NHSL2: variants seen among roughly 807,000 people sequenced by gnomAD.
NHSL2 encodes the protein NHS-like protein 2.
A neutral mutation model predicts 53.4 loss-of-function variants in NHSL2; 27 were observed. That is an observed-to-expected ratio of 0.51 (90% CI 0.37 to 0.70). The LOEUF (loss-of-function observed/expected upper bound fraction) is 0.70, where lower values mean the gene tolerates loss of function less well. Ranked by LOEUF, NHSL2 falls within the 30% of genes least tolerant of loss-of-function variation. The pLI is 0.00. For missense variants in NHSL2, 892 were observed against 980.1 expected (o/e 0.91, Z 1.20); for synonymous variants, 408 against 404.1 (o/e 1.01, Z -0.12).
Position 72,144,411 on chromosome X carries a change from G to T in NHSL2, c.*837G>T. The T allele has an allele frequency of 1.7e-6, 1 of 600,185 alleles. No homozygotes were observed. The highest frequency in any genetic ancestry group is 2.5e-6 in the Non-Finnish European group (1 of 393,773). The allele number at this position is 600,185 out of a possible 1,213,427, so 49.5% of individuals were successfully genotyped here. On this transcript the variant is annotated 3_prime_UTR_variant, in exon 8 of 8. Transcript: ENST00000633930. ...GATCCTCCATGTGTCTGTCAACAGC[G>T]ATAGGCAGGATCTGCGCCCAGCTCA...
intron 1 of NHSL2, chrX:72,128,070 G>A (rs890377068): frequency 4.0e-4 from 45 of 111,899 alleles, no homozygotes; most frequent in African/African-American, 1.4e-3. Context: ...TGGAGAGAGG[G>A]GATCTTTTTA....
intron 1 of NHSL2, among the ~76,000 whole-genome samples, chrX:71,987,833 C>T (rs1312628080): frequency 8.9e-6 from 1 of 112,406 alleles, no homozygotes; most frequent in African/African-American, 3.2e-5. Context: ...AAAGCCTTAG[C>T]TACTGAGCTA....
chrX:72,136,583 G>A (rs1277351996), intron 4 of NHSL2, among the ~76,000 whole-genome samples: 1 of 111,967 alleles, frequency 8.9e-6, no homozygotes, highest in Non-Finnish European at 1.9e-5. Context: ...TTCCTGGATG[G>A]TGGAGGGCAG....
rs1042376753 is a variant in NHSL2 at position 71,929,025 on chromosome X, G to A, written c.280+17658G>A. ...TTAACTCCCCATACTGTCATAGATG[G>A]AGTCTTAAACATGAGGTTTGGCAGA... On this transcript the variant is annotated intron_variant, in intron 1 of 7. Coordinates refer to ENST00000633930, the MANE Select transcript of NHSL2 (RefSeq NM_001013627.3). 2.2e-4 allele frequency among the ~76,000 whole-genome samples: 25 copies of A among 111,515 alleles called. 1 individual carries two copies. Among genetic ancestry groups the A allele is most frequent in the Admixed American group, 1.6e-3 (17 of 10,525 alleles).
chrX:71,926,492 T>C (rs1019457814), intron 1 of NHSL2, among the ~76,000 whole-genome samples: 1 of 111,026 alleles, frequency 9.0e-6, no homozygotes, highest in Non-Finnish European at 1.9e-5. Context: ...GAACAAAACA[T>C]TGATGTGTGT....
At position 72,100,937 on chromosome X, in the gene NHSL2, G is replaced by A. The variant is rs752028200; in HGVS notation, c.281-31142G>A. On this transcript the variant is annotated intron_variant, in intron 1 of 7. Coordinates refer to ENST00000633930, the MANE Select transcript of NHSL2 (RefSeq NM_001013627.3). ...ATATAGAAAGAGCCTGAGTGCTCACGAGGTGATTATCTGAGGTCTGTCACA... is the reference window on the plus strand; with the variant it reads ...ATATAGAAAGAGCCTGAGTGCTCACAAGGTGATTATCTGAGGTCTGTCACA... 2.7e-5 allele frequency among the ~76,000 whole-genome samples: 3 copies of A among 111,565 alleles called. No individual in the cohort carries two copies. The East Asian group carries it at 8.4e-4, about 31-fold the overall frequency.
At chrX:71,991,132 G>T (rs771710405) in intron 1 of NHSL2, among the ~76,000 whole-genome samples, 1 of 112,898 alleles carries the variant, frequency 8.9e-6, no homozygotes, top group Non-Finnish European at 1.9e-5. Flanking sequence ...TCTTCAACAG[G>T]TGTCTCAAAC....
intron 1 of NHSL2, among the ~76,000 whole-genome samples, chrX:71,931,679 T>G (rs769343824): frequency 1.2e-4 from 14 of 112,486 alleles, no homozygotes; most frequent in African/African-American, 4.5e-4. Context: ...TGACTGTAGG[T>G]GAATGGGTTT....
chrX:72,075,901 AGTGT>A (rs10637913), intron 1 of NHSL2, among the ~76,000 whole-genome samples: 6,786 of 93,310 alleles, frequency 0.073, 211 homozygotes, highest in South Asian at 0.13. Context: ...GGGGGAGCAC[AGTGT>A]GTGTGTGTGT....
Position 72,147,383 on chromosome X carries a change from TC to T in NHSL2, c.*3810del, listed in dbSNP as rs1345020245. 1 of 112,204 alleles carries T rather than the reference TC, an allele frequency of 8.9e-6. No homozygotes were observed. The highest frequency in any genetic ancestry group is 3.2e-5 in the African/African-American group (1 of 30,873). 9.2% of individuals were successfully genotyped at this position (112,204 alleles called of 1,213,427 possible). On this transcript the variant is annotated 3_prime_UTR_variant, in exon 8 of 8. Coordinates refer to ENST00000633930, the MANE Select transcript of NHSL2 (RefSeq NM_001013627.3). ...CTCGTCCCAGCCCTGTGATTTGCAC[TC>T]TTTAAAGTAATATCAGTTTATCTTC...
At chrX:71,924,154 A>G (rs1259087120) in intron 1 of NHSL2, among the ~76,000 whole-genome samples, 1 of 111,620 alleles carries the variant, frequency 9.0e-6, no homozygotes, top group Non-Finnish European at 1.9e-5. Flanking sequence ...AGTTGGGGAG[A>G]CAGTATGGAA....
At position 71,913,830 on chromosome X, in the gene NHSL2, G is replaced by GT. The variant is rs1266324168; in HGVS notation, c.280+2463_280+2464insT. On this transcript the variant is annotated intron_variant, in intron 1 of 7. Coordinates refer to ENST00000633930, the MANE Select transcript of NHSL2 (RefSeq NM_001013627.3). ...TGGGCTGGGGCCCTGAGAAGCAGCAGGGGAGGACAGAGAGAGGAGGAGCGA... is the reference window on the plus strand; with the variant it reads ...TGGGCTGGGGCCCTGAGAAGCAGCAGTGGGAGGACAGAGAGAGGAGGAGCGA... Among the ~76,000 whole-genome samples the GT allele has an allele frequency of 4.0e-3, 6 of 1,486 alleles. No individual in the cohort carries two copies. The East Asian group carries it at 0.46, about 114-fold the overall frequency. 1.3% of individuals were successfully genotyped at this position (1,486 alleles called of 115,157 possible). A position where few individuals can be genotyped will look rare whatever the true frequency, so the allele number is the denominator to read the frequency against.
chrX:71,997,856 T>G (rs1417163601), intron 1 of NHSL2, among the ~76,000 whole-genome samples: 1 of 112,061 alleles, frequency 8.9e-6, no homozygotes, highest in Non-Finnish European at 1.9e-5. Context: ...AGATATTTAT[T>G]AAATATATAT....
chrX:72,110,034 G>A (rs144096831), intron 1 of NHSL2, among the ~76,000 whole-genome samples: 4,737 of 111,461 alleles, frequency 0.042, 274 homozygotes, highest in African/African-American at 0.15. Context: ...AAAACCCACA[G>A]GACGGGGCAT....
chrX:71,962,838 A>G lies in NHSL2; in HGVS notation c.280+51471A>G, dbSNP rs185619960. On this transcript the variant is annotated intron_variant, in intron 1 of 7. Transcript: ENST00000633930. ...TTTTTTGTAGAGACCAGGTCTTGCTATGTTGCTGAGGCTGGTCTCTAACTC... is the reference window on the plus strand; with the variant it reads ...TTTTTTGTAGAGACCAGGTCTTGCTGTGTTGCTGAGGCTGGTCTCTAACTC... Among the ~76,000 whole-genome samples, 17 of 108,828 alleles carry G rather than the reference A, an allele frequency of 1.6e-4. No individual in the cohort carries two copies. In the East Asian group the frequency reaches 2.9e-3, roughly 18 times the overall value. 94.5% of individuals were successfully genotyped at this position (108,828 alleles called of 115,157 possible). A position where few individuals can be genotyped will look rare whatever the true frequency, so the allele number is the denominator to read the frequency against.
chrX:72,002,118 C>T (rs1368920386), intron 1 of NHSL2, among the ~76,000 whole-genome samples: 1 of 112,007 alleles, frequency 8.9e-6, no homozygotes, highest in Non-Finnish European at 1.9e-5. Context: ...ATCTGTATGC[C>T]CCCAAGACAG....
chrX:72,094,849 A>C (rs1222741561), intron 1 of NHSL2, among the ~76,000 whole-genome samples: 1 of 112,001 alleles, frequency 8.9e-6, no homozygotes, highest in Non-Finnish European at 1.9e-5. Context: ...TAATTGGGGC[A>C]AATTTTAGAT....
intron 1 of NHSL2, among the ~76,000 whole-genome samples, chrX:72,086,284 C>T (rs921509391): frequency 9.0e-6 from 1 of 111,200 alleles, no homozygotes; most frequent in Non-Finnish European, 1.9e-5. Flanking sequence ...TTGCTGGCCT[C>T]GTTGGTTAAA....
chrX:72,142,439 A>G, intron 7 of NHSL2, 75 bp downstream of exon 7: 1 of 778,220 alleles, frequency 1.3e-6, no homozygotes, highest in Non-Finnish European at 1.8e-6. Context: ...GCTATTCCAC[A>G]TTGAAATCCT....
Sources: gnomAD v4.1 joint callset for allele counts (sites outside exome capture counted in the v4.1 genomes callset) on GRCh38, gnomAD v4.1.1 for gene constraint, MANE v1.5 for transcripts, NCBI Gene and HGNC (gene_info 2026-07-23, HGNC 2026-07-21) for gene names.